Variants in UPRT observed in about 807,000 individuals in gnomAD.
The protein encoded by UPRT is uracil phosphoribosyltransferase homolog, also known as RP11-311P8.3.
Under a neutral mutation model 22.6 loss-of-function variants are expected in UPRT, and 5 were observed. The observed-to-expected ratio is 0.22, with a 90% CI of 0.12 to 0.47. UPRT has a LOEUF of 0.47. Ranked by LOEUF, UPRT falls within the 20% of genes least tolerant of loss-of-function variation. UPRT has a pLI of 0.99. For synonymous variants in UPRT, 77 were observed against 87.7 expected (o/e 0.88, Z 0.68); for missense variants, 181 against 239.9 (o/e 0.75, Z 1.62).
At chrX:75,157,633 T>G (rs147415680) in intron 1 of UPRT, among the ~76,000 whole-genome samples, 120 of 111,587 alleles carry the variant, frequency 1.1e-3, no homozygotes, top group Non-Finnish European at 2.0e-3. Context: ...ATGATCAGAT[T>G]TATATGTCCA....
At chrX:75,298,402 G>T (rs2082733385) in intron 4 of UPRT, among the ~76,000 whole-genome samples, 2 of 111,492 alleles carry the variant, frequency 1.8e-5, no homozygotes, top group Admixed American at 1.9e-4. Flanking sequence ...TGTTGTATTT[G>T]TGTTTGAGTC....
intron 4 of UPRT, among the ~76,000 whole-genome samples, chrX:75,250,588 A>G (rs1385905282): frequency 1.8e-5 from 2 of 110,974 alleles, no homozygotes; most frequent in African/African-American, 6.5e-5. Context: ...CAACCAAAAC[A>G]AGTCCAGGAC....
chrX:75,302,248 G>C (rs1448947066), intron 6 of UPRT, among the ~76,000 whole-genome samples: 1 of 111,236 alleles, frequency 9.0e-6, no homozygotes, highest in African/African-American at 3.3e-5. Context: ...AAGGCGATTT[G>C]CTTAAGTTAT....
At chrX:75,238,202 T>C (rs971857142) in intron 4 of UPRT, among the ~76,000 whole-genome samples, 1 of 110,980 alleles carries the variant, frequency 9.0e-6, no homozygotes, top group Non-Finnish European at 1.9e-5. Flanking sequence ...TGGATAAAAA[T>C]CCACCAACCA....
At chrX:75,279,748 A>G (rs1294186700) in intron 1 of UPRT, among the ~76,000 whole-genome samples, 3 of 110,907 alleles carry the variant, frequency 2.7e-5, no homozygotes, top group Non-Finnish European at 1.9e-5. Flanking sequence ...CCCATCACCC[A>G]AGCAGTATAC....
intron 4 of UPRT, among the ~76,000 whole-genome samples, chrX:75,235,173 C>G (rs1356898715): frequency 1.8e-5 from 2 of 110,386 alleles, no homozygotes; most frequent in Non-Finnish European, 3.8e-5. Context: ...TGCAAATAAA[C>G]TAGAAAAATC....
intron 4 of UPRT, among the ~76,000 whole-genome samples, chrX:75,246,095 G>T (rs1371715281): frequency 9.0e-6 from 1 of 110,803 alleles, no homozygotes; most frequent in South Asian, 3.8e-4. Context: ...AATTGTTTTT[G>T]ATCTTTTATT....
intron 4 of UPRT, among the ~76,000 whole-genome samples, chrX:75,203,601 G>A (rs2082354798): frequency 9.0e-6 from 1 of 110,544 alleles, no homozygotes; most frequent in South Asian, 4.0e-4. Flanking sequence ...AGAAGTGGGA[G>A]ACCAGCTTAA....
chrX:75,264,051 G>C (rs1027448761), intron 4 of UPRT, among the ~76,000 whole-genome samples: 22 of 111,982 alleles, frequency 2.0e-4, no homozygotes, highest in Admixed American at 7.6e-4. Flanking sequence ...TTAATCCTGA[G>C]TTCTAGTTTG....
At chrX:75,270,439 T>C (rs1383887113), upstream of UPRT, among the ~76,000 whole-genome samples, 1 of 111,654 alleles carries the variant, frequency 9.0e-6, no homozygotes, top group Non-Finnish European at 1.9e-5. Context: ...CATTCTACTA[T>C]AAAGACACAG....
At chrX:75,187,790 T>C (rs2147615528) in intron 4 of UPRT, among the ~76,000 whole-genome samples, 1 of 112,269 alleles carries the variant, frequency 8.9e-6, no homozygotes, top group East Asian at 2.8e-4. Context: ...CCATTGCTGA[T>C]ACCCTTTCTT....
intron 1 of UPRT, among the ~76,000 whole-genome samples, chrX:75,281,071 T>A (rs2082654794): frequency 9.0e-6 from 1 of 111,154 alleles, no homozygotes; most frequent in African/African-American, 3.3e-5. Flanking sequence ...TCAGCTTGGG[T>A]ACTGTTTGTG....
intron 4 of UPRT, among the ~76,000 whole-genome samples, chrX:75,178,422 G>A (rs1490717641): frequency 1.8e-5 from 2 of 111,968 alleles, no homozygotes; most frequent in South Asian, 3.7e-4. Flanking sequence ...ACCGCTTGGC[G>A]ATAGGCGAAA....
At chrX:75,251,150 A>C (rs1013474127) in intron 4 of UPRT, among the ~76,000 whole-genome samples, 2 of 111,482 alleles carry the variant, frequency 1.8e-5, no homozygotes. Flanking sequence ...GAAAACTGGT[A>C]CAAGTCAGGG....
At chrX:75,250,703 T>C (rs1428133759) in intron 4 of UPRT, among the ~76,000 whole-genome samples, 1 of 111,389 alleles carries the variant, frequency 9.0e-6, no homozygotes, top group Non-Finnish European at 1.9e-5. Context: ...CCTCCCTAAC[T>C]CATTTTATGA....
At chrX:75,184,800 T>C (rs1397140741) in intron 4 of UPRT, among the ~76,000 whole-genome samples, 1 of 111,248 alleles carries the variant, frequency 9.0e-6, no homozygotes, top group East Asian at 2.8e-4. Context: ...GTGAATGGAG[T>C]TCACTCATGA....
At chrX:75,266,492 A>G (rs906237177) in intron 4 of UPRT, among the ~76,000 whole-genome samples, 11 of 111,740 alleles carry the variant, frequency 9.8e-5, no homozygotes, top group Admixed American at 5.7e-4. Context: ...AAACCCTGGA[A>G]GAAAACCTAG....
Position 75,254,919 on chromosome X carries a change from G to T in UPRT, c.-446-36105G>T, listed in dbSNP as rs781341603. ...GCCTCCCGAGTAGCTGGGACTACAG[G>T]CGCCCGCCACCGCACCCGGCTAATT... On this transcript the variant is annotated intron_variant, in intron 4 of 13. Transcript: ENST00000652605. Among the ~76,000 whole-genome samples the T allele has an allele frequency of 2.8e-4, 31 of 110,015 alleles. No individual in the cohort carries two copies. In the East Asian group the frequency reaches 7.8e-3, roughly 28 times the overall value.
At chrX:75,180,691 T>G (rs1251807199) in intron 4 of UPRT, among the ~76,000 whole-genome samples, 8 of 72,550 alleles carry the variant, frequency 1.1e-4, no homozygotes, top group Non-Finnish European at 1.7e-4. Context: ...GTTTTTTTTT[T>G]TTTGTTTTTT....
Sources: allele counts gnomAD v4.1 joint callset (sites outside exome capture counted in the v4.1 genomes callset), GRCh38; gene constraint gnomAD v4.1.1; transcripts MANE v1.5; gene names NCBI Gene and HGNC (gene_info 2026-07-23, HGNC 2026-07-21).